The following LINGO2 variants were observed in gnomAD, a reference collection of about 807,000 sequenced individuals.
LINGO2 encodes the protein leucine rich repeat and Ig domain containing 2.
A neutral mutation model predicts 30.6 loss-of-function variants in LINGO2; 14 were observed. That is an observed-to-expected ratio of 0.46 (90% CI 0.30 to 0.72). The LOEUF is 0.72. LINGO2 is among the 30% of genes least tolerant of loss of function. The pLI is 0.07. For missense variants in LINGO2, 729 were observed against 751.7 expected, an observed-to-expected ratio of 0.97 and a Z score of 0.35; for synonymous variants, 317 against 288.5, an observed-to-expected ratio of 1.10 and a Z score of -1.00.
At chr9:28,106,739 C>T (rs927525677) in intron 4 of LINGO2, among the ~76,000 whole-genome samples, 14 of 152,118 alleles carry the variant, frequency 9.2e-5, no homozygotes, top group African/African-American at 3.4e-4. Flanking sequence ...GAAGCCTTCT[C>T]AAATTCTTTA....
At chr9:28,736,589 G>C in the LINGO2 span, among the ~76,000 whole-genome samples, 1 of 152,028 alleles carries the variant, frequency 6.6e-6, no homozygotes, top group African/African-American at 2.4e-5. Context: ...TCAGGAGTTC[G>C]AGACCACCCT....
intron 4 of LINGO2, among the ~76,000 whole-genome samples, chr9:28,018,192 T>C (rs1280229892): frequency 2.0e-5 from 3 of 152,124 alleles, no homozygotes; most frequent in Non-Finnish European, 2.9e-5. Flanking sequence ...CCTTACACCA[T>C]ATCCCAAAAC....
At chr9:28,952,669 G>A in the LINGO2 span, among the ~76,000 whole-genome samples, 1 of 152,012 alleles carries the variant, frequency 6.6e-6, no homozygotes, top group Non-Finnish European at 1.5e-5. Context: ...ATGGCCCCCT[G>A]ACAGGTAGCA....
Position 27,948,846 on chromosome 9 carries a change from G to A in LINGO2, c.*5C>T, listed in dbSNP as rs1587505158. On this transcript the variant is annotated 3_prime_UTR_variant, in exon 6 of 6. Transcript: ENST00000379992. ...CAAAGAGACAGTAATGTGAGGGGTG[G>A]GCCTTCAAATCATTTTCATGTTGAA... 3.1e-6 allele frequency: 5 copies of A among 1,601,320 alleles called. No individual in the cohort carries two copies. The East Asian group carries it at 1.1e-4, about 36-fold the overall frequency.
At chr9:28,327,544 T>C (rs1382893821) in intron 3 of LINGO2, among the ~76,000 whole-genome samples, 1 of 152,212 alleles carries the variant, frequency 6.6e-6, no homozygotes, top group African/African-American at 2.4e-5. Context: ...TGGAGGATTA[T>C]TTGGCCCAGT....
the LINGO2 span, among the ~76,000 whole-genome samples, chr9:28,790,613 C>T: frequency 2.6e-5 from 4 of 151,896 alleles, no homozygotes; most frequent in African/African-American, 9.7e-5. Flanking sequence ...GGATTACAGG[C>T]GTGAGCCACC....
the LINGO2 span, among the ~76,000 whole-genome samples, chr9:28,848,295 A>G: frequency 8.1e-6 from 1 of 123,508 alleles, no homozygotes; most frequent in Non-Finnish European, 1.6e-5. Context: ...ATGCATATAT[A>G]TATACTATAT....
chr9:28,008,630 T>A (rs1822390998), intron 5 of LINGO2, among the ~76,000 whole-genome samples: 1 of 152,128 alleles, frequency 6.6e-6, no homozygotes, highest in Admixed American at 6.5e-5. Flanking sequence ...AATACATAAA[T>A]ACTGAATGTA....
chr9:28,685,313 C>T, the LINGO2 span, among the ~76,000 whole-genome samples: 4 of 152,088 alleles, frequency 2.6e-5, no homozygotes, highest in Admixed American at 2.6e-4. Context: ...TTTTCCTACT[C>T]TGACCTCTTC....
intron 1 of LINGO2, among the ~76,000 whole-genome samples, chr9:28,612,566 T>C (rs540245216): frequency 2.6e-5 from 4 of 152,304 alleles, no homozygotes; most frequent in Admixed American, 6.5e-5. Context: ...TGGATGTCAG[T>C]CTTGCATGGG....
chr9:28,514,482 C>G (rs1820538982), intron 1 of LINGO2, among the ~76,000 whole-genome samples: 1 of 152,100 alleles, frequency 6.6e-6, no homozygotes, highest in African/African-American at 2.4e-5. Flanking sequence ...GGGAAACAGC[C>G]TTATTGCTGA....
intron 5 of LINGO2, among the ~76,000 whole-genome samples, chr9:27,957,801 G>A (rs905699554): frequency 8.5e-5 from 13 of 152,218 alleles, no homozygotes; most frequent in East Asian, 7.7e-4. Flanking sequence ...ATGGAGAATC[G>A]ATATTATAAC....
At chr9:27,982,981 C>T (rs1483593213) in intron 5 of LINGO2, among the ~76,000 whole-genome samples, 1 of 151,702 alleles carries the variant, frequency 6.6e-6, no homozygotes, top group Non-Finnish European at 1.5e-5. Flanking sequence ...TCTGTCTTTC[C>T]TACTTATACT....
the LINGO2 span, among the ~76,000 whole-genome samples, chr9:29,181,958 G>C: frequency 6.6e-6 from 1 of 152,202 alleles, no homozygotes; most frequent in African/African-American, 2.4e-5. Flanking sequence ...TTTGAGGGCT[G>C]TTGACACTAT....
chr9:29,190,897 T>C, the LINGO2 span, among the ~76,000 whole-genome samples: 30 of 152,184 alleles, frequency 2.0e-4, no homozygotes, highest in Non-Finnish European at 3.8e-4. Flanking sequence ...ATCATAGGTG[T>C]ATTGGTCTTG....
chr9:29,157,181 C>T, the LINGO2 span, among the ~76,000 whole-genome samples: 99 of 152,074 alleles, frequency 6.5e-4, 1 homozygote, highest in Admixed American at 5.2e-3. Flanking sequence ...TTCCATGAAG[C>T]TAAATGAATA....
At chr9:27,984,346 G>A (rs1158103137) in intron 5 of LINGO2, among the ~76,000 whole-genome samples, 3 of 151,858 alleles carry the variant, frequency 2.0e-5, no homozygotes, top group Admixed American at 2.0e-4. Context: ...GACTCAACCA[G>A]GTTTTAATAG....
At chr9:28,558,246 C>A (rs933260231) in intron 1 of LINGO2, among the ~76,000 whole-genome samples, 1 of 151,012 alleles carries the variant, frequency 6.6e-6, no homozygotes, top group African/African-American at 2.4e-5. Flanking sequence ...TAAGGGTTTT[C>A]TGCTGCCATT....
chr9:28,970,627 C>T, the LINGO2 span, among the ~76,000 whole-genome samples: 2 of 152,052 alleles, frequency 1.3e-5, no homozygotes, highest in Non-Finnish European at 2.9e-5. Flanking sequence ...GTTGTTAGAG[C>T]AGAAAAGAAA....
Sources: allele counts gnomAD v4.1 joint callset (sites outside exome capture counted in the v4.1 genomes callset), GRCh38; gene constraint gnomAD v4.1.1; transcripts MANE v1.5; gene names NCBI Gene and HGNC (gene_info 2026-07-23, HGNC 2026-07-21).